The following ESR1 variants were observed in gnomAD, a reference collection of about 807,000 sequenced individuals.
ESR1 encodes the protein estrogen receptor.
A neutral mutation model predicts 52.7 loss-of-function variants in ESR1; 12 were observed. That is an observed-to-expected ratio of 0.23 (90% CI 0.15 to 0.37). The LOEUF (loss-of-function observed/expected upper bound fraction) is 0.37. Ranked by LOEUF, ESR1 falls within the 10% of genes least tolerant of loss-of-function variation. The probability of loss-of-function intolerance (pLI) is 1.00; values close to 1 mark genes in which losing one functional copy is unlikely to be tolerated. For synonymous variants in ESR1, 305 were observed against 316.8 expected (o/e 0.96, Z 0.39); for missense variants, 584 against 779.7 (o/e 0.75, Z 2.99).
chr6:151,719,914 T>A (rs1781338099), intron 2 of ESR1, among the ~76,000 whole-genome samples: 1 of 152,202 alleles, frequency 6.6e-6, no homozygotes, highest in Non-Finnish European at 1.5e-5. Flanking sequence ...TTCCCTTTAA[T>A]GTTTGAAGGG....
intron 4 of ESR1, among the ~76,000 whole-genome samples, chr6:151,945,982 C>T (rs574658869): frequency 1.1e-4 from 17 of 152,220 alleles, no homozygotes; most frequent in African/African-American, 3.6e-4. Flanking sequence ...CAGTGTCAGT[C>T]GAACTGGCAA....
At chr6:151,937,765 C>A (rs1226044710) in intron 3 of ESR1, among the ~76,000 whole-genome samples, 1 of 152,098 alleles carries the variant, frequency 6.6e-6, no homozygotes, top group Non-Finnish European at 1.5e-5. Flanking sequence ...AATCATCTTA[C>A]CAATGCTTTA....
intron 2 of ESR1, among the ~76,000 whole-genome samples, chr6:151,711,284 C>A (rs1780589946): frequency 6.6e-6 from 1 of 151,282 alleles, no homozygotes; most frequent in Admixed American, 6.6e-5. Context: ...TGCAGTGGTG[C>A]AATCTTGGCT....
At chr6:152,059,793 A>G (rs1000941668) in intron 5 of ESR1, among the ~76,000 whole-genome samples, 16 of 152,192 alleles carry the variant, frequency 1.1e-4, no homozygotes, top group Non-Finnish European at 1.9e-4. Flanking sequence ...GTTTTTAACA[A>G]CAAAATACTT....
rs1055610095 is a variant in ESR1 at position 152,093,086 on chromosome 6, G to T, written c.1370-1299G>T. Among the ~76,000 whole-genome samples, 14 of 152,206 alleles carry T rather than the reference G, an allele frequency of 9.2e-5. No individual in the cohort carries two copies. In the South Asian group the frequency reaches 2.9e-3, roughly 32 times the overall value. On this transcript the variant is annotated intron_variant, in intron 6 of 7. Transcript: ENST00000206249. The stretch of plus-strand genomic sequence containing the variant: ...AAGGTCAGGAGTTCAAGACCAGCCT[G>T]CCCAAGATGGCGAAACCCCATCTCT...
chr6:151,769,407 CCTGAT>C (rs1238441787), intron 2 of ESR1, among the ~76,000 whole-genome samples: 3 of 152,066 alleles, frequency 2.0e-5, no homozygotes, highest in Admixed American at 6.6e-5. Flanking sequence ...TCTCAATAGC[CCTGAT>C]CTCGACTCTG....
chr6:151,843,512 C>A (rs9340811), intron 2 of ESR1, among the ~76,000 whole-genome samples: 1,612 of 152,170 alleles, frequency 0.011, 19 homozygotes, highest in African/African-American at 0.032. Context: ...TAATAGGATA[C>A]CCTGGGGAAA....
chr6:151,681,402 G>A (rs1778453231), intron 1 of ESR1, among the ~76,000 whole-genome samples: 1 of 151,908 alleles, frequency 6.6e-6, no homozygotes, highest in Non-Finnish European at 1.5e-5. Context: ...TGGCAGGAGG[G>A]GACGGCGGTG....
chr6:151,934,846 A>T (rs2034158858), intron 3 of ESR1, among the ~76,000 whole-genome samples: 2 of 152,244 alleles, frequency 1.3e-5, no homozygotes, highest in South Asian at 4.1e-4. Context: ...CAGAATCATG[A>T]TCATATCCAT....
At chr6:151,875,394 A>G (rs530156649) in intron 2 of ESR1, among the ~76,000 whole-genome samples, 81 of 152,244 alleles carry the variant, frequency 5.3e-4, no homozygotes, top group African/African-American at 1.9e-3. Context: ...GCGCTCCACA[A>G]ATGAAGTTGG....
At chr6:151,829,172 G>T (rs1399896881) in intron 1 of ESR1, among the ~76,000 whole-genome samples, 2 of 152,184 alleles carry the variant, frequency 1.3e-5, no homozygotes, top group Non-Finnish European at 2.9e-5. Context: ...TATGCTGTTG[G>T]ACTCTTTCCA....
intron 3 of ESR1, among the ~76,000 whole-genome samples, chr6:151,898,029 C>G (rs1562524753): frequency 6.6e-6 from 1 of 152,184 alleles, no homozygotes; most frequent in African/African-American, 2.4e-5. Context: ...GGGCCCCAAT[C>G]CCTTCTAGTT....
chr6:152,089,593 T>C (rs924092906), intron 6 of ESR1, among the ~76,000 whole-genome samples: 1 of 152,236 alleles, frequency 6.6e-6, no homozygotes, highest in African/African-American at 2.4e-5. Flanking sequence ...CACTACTTTT[T>C]TTTGAGACGG....
chr6:152,121,191 G>A (rs535646007), intron 6 of ESR1, among the ~76,000 whole-genome samples: 9 of 152,326 alleles, frequency 5.9e-5, no homozygotes, highest in Non-Finnish European at 1.2e-4. Context: ...ACTATAGTAG[G>A]CAAGTTCAGA....
At chr6:151,779,530 G>A (rs1302956782) in intron 2 of ESR1, among the ~76,000 whole-genome samples, 8 of 152,176 alleles carry the variant, frequency 5.3e-5, no homozygotes, top group Non-Finnish European at 7.3e-5. Flanking sequence ...AATATAACAG[G>A]TACTGGTGAA....
chr6:151,938,006 C>T (rs1030874692), intron 3 of ESR1, among the ~76,000 whole-genome samples: 3 of 152,172 alleles, frequency 2.0e-5, no homozygotes, highest in Admixed American at 6.5e-5. Context: ...GTCTTTATTT[C>T]ATTCTTAATG....
At chr6:151,672,972 G>A (rs1778124931) in intron 1 of ESR1, among the ~76,000 whole-genome samples, 1 of 151,462 alleles carries the variant, frequency 6.6e-6, no homozygotes, top group Non-Finnish European at 1.5e-5. Flanking sequence ...GGGACTACAG[G>A]CCCCCGCCAC....
intron 3 of ESR1, among the ~76,000 whole-genome samples, chr6:151,886,866 C>A (rs1793935462): frequency 6.6e-6 from 1 of 151,908 alleles, no homozygotes; most frequent in Non-Finnish European, 1.5e-5. Context: ...CATGGTATAA[C>A]CTCGTCTCTA....
At chr6:151,865,995 C>G (rs1789836272) in intron 2 of ESR1, among the ~76,000 whole-genome samples, 1 of 152,230 alleles carries the variant, frequency 6.6e-6, no homozygotes, top group Non-Finnish European at 1.5e-5. Context: ...ACCATTGCGA[C>G]TTGAGCTGTG....
Sources: gnomAD v4.1 joint callset for allele counts (sites outside exome capture counted in the v4.1 genomes callset) on GRCh38, gnomAD v4.1.1 for gene constraint, MANE v1.5 for transcripts, NCBI Gene and HGNC (gene_info 2026-07-23, HGNC 2026-07-21) for gene names.